GALK2: variants seen among roughly 807,000 people sequenced by gnomAD.
GALK2 encodes the protein N-acetylgalactosamine kinase.
Under a neutral mutation model 52.4 loss-of-function variants are expected in GALK2, and 36 were observed. That is an observed-to-expected ratio of 0.69 (90% confidence interval 0.53 to 0.91). The LOEUF is 0.91. Among genes scored for constraint, GALK2 ranks in the 40% least tolerant of loss-of-function variants. The pLI, the probability that GALK2 is intolerant of heterozygous loss-of-function variation, is 0.00. For synonymous variants in GALK2, 176 were observed against 199.1 expected, an observed-to-expected ratio of 0.88 and a Z score of 0.98; for missense variants, 579 against 559.1, an observed-to-expected ratio of 1.04 and a Z score of -0.36.
intron 2 of GALK2, among the ~76,000 whole-genome samples, chr15:49,205,340 C>G (rs930154333): frequency 2.0e-5 from 3 of 152,162 alleles, no homozygotes; most frequent in African/African-American, 7.2e-5. Context: ...CTTTACATTC[C>G]CAACAGCAGT....
intron 1 of GALK2, chr15:49,195,147 C>G (rs990571626): frequency 7.1e-5 from 32 of 450,892 alleles, no homozygotes; most frequent in African/African-American, 5.8e-4. Context: ...TCTTGGCTCA[C>G]TGCAACCTCC....
Position 49,329,908 on chromosome 15 carries a change from G to A in GALK2, c.*1749G>A, listed in dbSNP as rs780181000. ...CAAAAGGTGAGTAAAAATTTCCAAT[G>A]TGCACTCTTCTTTGGGGGACACACA... is the stretch of plus-strand genomic sequence containing the variant. On this transcript the variant is annotated 3_prime_UTR_variant, in exon 10 of 10. Coordinates refer to ENST00000560031, the MANE Select transcript of GALK2 (RefSeq NM_002044.4). The A allele has an allele frequency of 7.6e-6, 2 of 264,060 alleles. No homozygotes were observed. The highest frequency in any genetic ancestry group is 1.2e-5 in the Non-Finnish European group (2 of 170,934). 16.4% of individuals were successfully genotyped at this position (264,060 alleles called of 1,614,324 possible).
chr15:49,307,546 GAA>G (rs1309452199), intron 8 of GALK2, among the ~76,000 whole-genome samples: 1 of 152,172 alleles, frequency 6.6e-6, no homozygotes, highest in Non-Finnish European at 1.5e-5. Flanking sequence ...AGAATGGAAA[GAA>G]GAGAGTGATG....
chr15:49,195,922 T>G (rs917878462), intron 1 of GALK2, among the ~76,000 whole-genome samples: 1 of 152,012 alleles, frequency 6.6e-6, no homozygotes, highest in Non-Finnish European at 1.5e-5. Flanking sequence ...GGAATCAGAC[T>G]ATTATAGTTT....
At chr15:49,335,689 G>C (rs1232112220), downstream of GALK2, among the ~76,000 whole-genome samples, 1 of 152,120 alleles carries the variant, frequency 6.6e-6, no homozygotes, top group Non-Finnish European at 1.5e-5. Flanking sequence ...CTTTAAACTT[G>C]TGTCCCATTA....
chr15:49,283,557 T>G lies in GALK2; in HGVS notation c.604-9T>G. 1 of 1,600,542 alleles carries G rather than the reference T, an allele frequency of 6.2e-7. No homozygotes were observed. The highest frequency in any genetic ancestry group is 1.1e-5 in the South Asian group (1 of 88,820). ...AATTATATTTCTCCTTTCATTTTTC[T>G]TCTAACAGGCCAAGTTGATAGAATT... On this transcript the variant is annotated splice_polypyrimidine_tract_variant and intron_variant, in intron 6 of 9. Coordinates refer to ENST00000560031, the MANE Select transcript of GALK2 (RefSeq NM_002044.4).
intron 3 of GALK2, among the ~76,000 whole-genome samples, chr15:49,349,817 T>A (rs189957282): frequency 8.0e-4 from 122 of 152,174 alleles, no homozygotes; most frequent in Middle Eastern, 3.4e-3. Flanking sequence ...AAACTCTGCA[T>A]GATGCTGACA....
chr15:49,192,494 T>TGTATATATATATAC (rs1555400564), intron 1 of GALK2, among the ~76,000 whole-genome samples: 10 of 27,696 alleles, frequency 3.6e-4, no homozygotes, highest in Non-Finnish European at 5.7e-4. Flanking sequence ...TGTATATATA[T>TGTATATATATATAC]ATATATATAT....
At chr15:49,281,702 G>A (rs559123055) in intron 5 of GALK2, among the ~76,000 whole-genome samples, 1 of 152,340 alleles carries the variant, frequency 6.6e-6, no homozygotes, top group Non-Finnish European at 1.5e-5. Flanking sequence ...AGAGTAAATA[G>A]AAAGATGGTA....
intron 4 of GALK2, among the ~76,000 whole-genome samples, chr15:49,236,819 G>T (rs947756445): frequency 6.6e-6 from 1 of 152,232 alleles, no homozygotes; most frequent in Non-Finnish European, 1.5e-5. Context: ...CTGAAACTTT[G>T]TAATGAGCAG....
At chr15:49,156,303 C>G (rs2084446710) in intron 1 of GALK2, 1 of 440,310 alleles carries the variant, frequency 2.3e-6, no homozygotes, top group Non-Finnish European at 4.2e-6. Flanking sequence ...TACTGTGAAC[C>G]TGAGGGCATC....
chr15:49,350,476 G>A (rs1424314755), intron 3 of GALK2, among the ~76,000 whole-genome samples: 1 of 152,062 alleles, frequency 6.6e-6, no homozygotes, highest in Non-Finnish European at 1.5e-5. Context: ...ACTAATTCTC[G>A]ATCTGTTAAA....
intron 5 of GALK2, among the ~76,000 whole-genome samples, chr15:49,245,301 A>G (rs1346950628): frequency 2.0e-5 from 3 of 152,218 alleles, no homozygotes; most frequent in Admixed American, 2.0e-4. Context: ...TTGCCGTTGT[A>G]CACATTGCAT....
chr15:49,250,092 T>C (rs2141564514), intron 5 of GALK2, among the ~76,000 whole-genome samples: 1 of 152,322 alleles, frequency 6.6e-6, no homozygotes, highest in African/African-American at 2.4e-5. Context: ...ACTCTTGTGG[T>C]AAAACTGCTG....
intron 3 of GALK2, among the ~76,000 whole-genome samples, chr15:49,360,672 C>G (rs1460873646): frequency 2.0e-5 from 3 of 152,082 alleles, no homozygotes; most frequent in Non-Finnish European, 4.4e-5. Flanking sequence ...TCCTAGACAT[C>G]AAAGTTTTTC....
At chr15:49,156,748 TC>T (rs1310418403) in intron 1 of GALK2, 4 of 567,846 alleles carry the variant, frequency 7.0e-6, no homozygotes, top group Non-Finnish European at 1.3e-5. Flanking sequence ...CGCAAGAATA[TC>T]ATTTAGAACA....
chr15:49,237,059 C>T (rs1047184433), intron 4 of GALK2, among the ~76,000 whole-genome samples: 1 of 152,098 alleles, frequency 6.6e-6, no homozygotes, highest in Non-Finnish European at 1.5e-5. Context: ...GTGGGAATTA[C>T]AGTATTTGGA....
rs2037881436 is a variant in GALK2, at chr15:49,328,302, G to GAAA, written c.*143_*144insAAA. On this transcript the variant is annotated 3_prime_UTR_variant, in exon 10 of 10. Transcript: ENST00000560031. ...TATCAAGATATATTTTCAAAGAAAT[G>GAAA]GTTGAAAGCTCTCTATGCTTCATAA... The GAAA allele has an allele frequency of 8.4e-6, 12 of 1,435,848 alleles. No homozygotes were observed. In the South Asian group the frequency reaches 1.7e-4, roughly 20 times the overall value. 88.9% of individuals were successfully genotyped at this position (1,435,848 alleles called of 1,614,324 possible).
intron 4 of GALK2, among the ~76,000 whole-genome samples, chr15:49,237,569 G>C (rs550730722): frequency 4.6e-5 from 7 of 151,558 alleles, no homozygotes; most frequent in Non-Finnish European, 1.0e-4. Flanking sequence ...CTCTGCCCCC[G>C]GGGTTCAAGC....
Sources: gnomAD v4.1 joint callset for allele counts (sites outside exome capture counted in the v4.1 genomes callset) on GRCh38, gnomAD v4.1.1 for gene constraint, MANE v1.5 for transcripts, NCBI Gene and HGNC (gene_info 2026-07-23, HGNC 2026-07-21) for gene names.